The following ITPK1 variants were observed in gnomAD, a reference collection of about 807,000 sequenced individuals.
The protein encoded by ITPK1 is inositol-tetrakisphosphate 1-kinase, also known as inositol 1,3,4-trisphosphate 5/6-kinase.
In ITPK1, 21 loss-of-function variants were observed where a neutral mutation model predicts 45.3. The ratio of observed to expected loss-of-function variants is 0.46; its 90% CI spans 0.33 to 0.67. The LOEUF is 0.67. ITPK1 is among the 30% of genes least tolerant of loss of function. ITPK1 has a pLI of 0.02. For synonymous variants in ITPK1, 258 were observed against 253.6 expected (o/e 1.02, Z -0.16); for missense variants, 474 against 573.5 (o/e 0.83, Z 1.77).
intron 10 of ITPK1, among the ~76,000 whole-genome samples, 184 bp from the exon 11 acceptor site, chr14:92,942,088 G>A (rs1595070423): frequency 6.6e-6 from 1 of 152,178 alleles, no homozygotes; most frequent in Admixed American, 6.5e-5. Flanking sequence ...CAAAAAGCTT[G>A]GACGCCCAAC....
At chr14:93,068,276 G>C (rs1291059780) in intron 3 of ITPK1, 3 of 152,254 alleles carry the variant, frequency 2.0e-5, no homozygotes, top group Non-Finnish European at 2.9e-5. Context: ...AGGGAAGTGA[G>C]GCACAGCCAA....
chr14:92,954,877 T>TC (rs891758089), intron 8 of ITPK1, among the ~76,000 whole-genome samples: 9 of 152,280 alleles, frequency 5.9e-5, no homozygotes, highest in Non-Finnish European at 1.0e-4. Flanking sequence ...TCCAAGTGGC[T>TC]CCCCTCACCC....
At chr14:93,050,798 C>T (rs1889971817) in intron 3 of ITPK1, among the ~76,000 whole-genome samples, 1 of 151,946 alleles carries the variant, frequency 6.6e-6, no homozygotes, top group African/African-American at 2.4e-5. Context: ...CAGTCGCCAG[C>T]ATCGGGTAGG....
chr14:92,946,768 G>A (rs910906439), intron 9 of ITPK1, among the ~76,000 whole-genome samples: 1 of 152,274 alleles, frequency 6.6e-6, no homozygotes, highest in Admixed American at 6.5e-5. Context: ...CAGGGAAACC[G>A]GAGCTCAGAG....
chr14:93,004,449 C>G (rs1210937175), intron 4 of ITPK1, among the ~76,000 whole-genome samples: 1 of 152,212 alleles, frequency 6.6e-6, no homozygotes, highest in African/African-American at 2.4e-5. Flanking sequence ...CCAGAGAAAT[C>G]TCCCACGTCT....
intron 4 of ITPK1, among the ~76,000 whole-genome samples, chr14:92,998,425 C>T (rs182121072): frequency 2.8e-4 from 42 of 152,276 alleles, no homozygotes; most frequent in African/African-American, 8.4e-4. Flanking sequence ...CACCGGCAGC[C>T]CAGGCTCCAG....
chr14:93,102,838 T>C (rs2402242), intron 2 of ITPK1, among the ~76,000 whole-genome samples: 44,964 of 151,862 alleles, frequency 0.3, 7,582 homozygotes, highest in African/African-American at 0.47. Flanking sequence ...TGGTGGCTCA[T>C]GCCTGTCATC....
chr14:93,019,743 C>T (rs1888373656), intron 3 of ITPK1, among the ~76,000 whole-genome samples: 2 of 152,174 alleles, frequency 1.3e-5, no homozygotes, highest in Admixed American at 1.3e-4. Flanking sequence ...GTGCGGCCCC[C>T]ACAGGAGAAA....
chr14:93,072,366 C>T (rs936556887), intron 3 of ITPK1, among the ~76,000 whole-genome samples: 1 of 151,334 alleles, frequency 6.6e-6, no homozygotes, highest in African/African-American at 2.4e-5. Context: ...TACATCTATA[C>T]AATGAATGGG....
intron 4 of ITPK1, among the ~76,000 whole-genome samples, chr14:93,013,549 C>T (rs1052431516): frequency 1.3e-5 from 2 of 152,116 alleles, no homozygotes; most frequent in Admixed American, 6.5e-5. Context: ...ACCCACACAG[C>T]CCCAAACCAC....
rs146302730 is a variant in ITPK1, at chr14:93,061,599, C to T, written c.120+14996G>A. Among the ~76,000 whole-genome samples the T allele has an allele frequency of 6.6e-5, 10 of 152,306 alleles. No individual in the cohort carries two copies. In the East Asian group the frequency reaches 1.7e-3, roughly 26 times the overall value. ...ATAACACAGCATTCAAATCTAGAAG[C>T]ACAAACTCCCACAAGACCTTCCCTT... On this transcript the variant is annotated intron_variant, in intron 3 of 10. Coordinates refer to ENST00000267615, the MANE Select transcript of ITPK1 (RefSeq NM_014216.6).
At chr14:93,066,131 C>A in intron 3 of ITPK1, 1 of 359,704 alleles carries the variant, frequency 2.8e-6, no homozygotes, top group East Asian at 8.2e-5. Flanking sequence ...CACAGACCCT[C>A]GAGGCCTGGC....
At chr14:93,064,831 T>C (rs1890683207) in intron 3 of ITPK1, among the ~76,000 whole-genome samples, 1 of 152,168 alleles carries the variant, frequency 6.6e-6, no homozygotes, top group South Asian at 2.1e-4. Flanking sequence ...GCCACTGTGC[T>C]TCCCAGGGGA....
At chr14:92,980,028 G>T (rs200596176) in intron 5 of ITPK1, among the ~76,000 whole-genome samples, 1 of 152,134 alleles carries the variant, frequency 6.6e-6, no homozygotes, top group South Asian at 2.1e-4. Context: ...CGATCCACCC[G>T]CCTCAGCCTC....
At chr14:93,046,003 C>A (rs561633963) in intron 3 of ITPK1, among the ~76,000 whole-genome samples, 2 of 152,218 alleles carry the variant, frequency 1.3e-5, no homozygotes, top group Admixed American at 1.3e-4. Context: ...ACGGGTCCAC[C>A]AGTGGTCTGT....
At chr14:93,026,570 C>T (rs1888739929) in intron 3 of ITPK1, among the ~76,000 whole-genome samples, 1 of 152,224 alleles carries the variant, frequency 6.6e-6, no homozygotes, top group Non-Finnish European at 1.5e-5. Flanking sequence ...TAATATCCAT[C>T]ACAATATAAA....
chr14:92,970,696 C>T (rs1170408394), intron 5 of ITPK1, among the ~76,000 whole-genome samples: 1 of 151,292 alleles, frequency 6.6e-6, no homozygotes, highest in African/African-American at 2.4e-5. Context: ...AGTGCAGTGG[C>T]GCGATCTCTG....
chr14:93,000,271 A>G (rs1320088380), intron 4 of ITPK1, among the ~76,000 whole-genome samples: 3 of 152,208 alleles, frequency 2.0e-5, no homozygotes, highest in African/African-American at 4.8e-5. Context: ...AATTGAAATG[A>G]AAATACAAAA....
intron 3 of ITPK1, chr14:93,066,087 AG>A (rs1890732046): frequency 3.2e-6 from 1 of 309,406 alleles, no homozygotes; most frequent in Admixed American, 4.7e-5. Context: ...TTACTTAATG[AG>A]CAAAAGAATA....
Sources: allele counts gnomAD v4.1 joint callset (sites outside exome capture counted in the v4.1 genomes callset), GRCh38; gene constraint gnomAD v4.1.1; transcripts MANE v1.5; gene names NCBI Gene and HGNC (gene_info 2026-07-23, HGNC 2026-07-21).